MEP1A: variants seen among roughly 807,000 people sequenced by gnomAD.
The protein encoded by MEP1A is meprin A subunit alpha.
In MEP1A, 68 loss-of-function variants were observed where a neutral mutation model predicts 84.5. The observed-to-expected ratio is 0.80, with a 90% CI of 0.66 to 0.98. The LOEUF is 0.98. MEP1A is among the 50% of genes least tolerant of loss of function. MEP1A has a pLI of 0.00. For synonymous variants in MEP1A, 337 were observed against 336.8 expected, an observed-to-expected ratio of 1.00 and a Z score of -0.01; for missense variants, 887 against 919.9, an observed-to-expected ratio of 0.96 and a Z score of 0.46.
At chr6:46,821,140 T>C (rs545156376) in intron 7 of MEP1A, among the ~76,000 whole-genome samples, 80 of 152,300 alleles carry the variant, frequency 5.3e-4, no homozygotes, top group African/African-American at 1.8e-3. Context: ...GATTTTCACA[T>C]GAGATGAGGG....
chr6:46,826,530 T>C lies in MEP1A; in HGVS notation c.928+27T>C, dbSNP rs756416118. 5.5e-6 allele frequency: 8 copies of C among 1,460,554 alleles called. No homozygotes were observed. In the Admixed American group the frequency reaches 8.6e-5, roughly 16 times the overall value. The allele number at this position is 1,460,554 out of a possible 1,614,324, so 90.5% of individuals were successfully genotyped here. On this transcript the variant is annotated intron_variant, in intron 9 of 13. Transcript: ENST00000230588. ...TCAGTGAAAGTGGAAAGCAAACACA[T>C]TGATGTGGTTCACCAGGTTCAATTA...
intron 5 of MEP1A, among the ~76,000 whole-genome samples, chr6:46,804,256 T>C (rs1767261371): frequency 6.6e-6 from 1 of 151,692 alleles, no homozygotes; most frequent in Non-Finnish European, 1.5e-5. Context: ...TTATTTTGCC[T>C]AAATTTTGAG....
At position 46,829,335 on chromosome 6, in the gene MEP1A, G is replaced by A. The variant is rs370716919; in HGVS notation, c.929-21G>A. On this transcript the variant is annotated intron_variant, in intron 9 of 13. Transcript: ENST00000230588. ...GGGTGTGGGAAGCCAGACGTGTGAT[G>A]TTTGGCTGCTCTTTCCATAGGTGCC... The A allele has an allele frequency of 1.1e-5, 18 of 1,609,388 alleles. No individual in the cohort carries two copies. The African/African-American group carries it at 2.3e-4, about 20-fold the overall frequency.
At chr6:46,832,073 C>T (rs1257875109) in intron 10 of MEP1A, among the ~76,000 whole-genome samples, 1 of 152,120 alleles carries the variant, frequency 6.6e-6, no homozygotes, top group East Asian at 1.9e-4. Context: ...AAGGTCTTTT[C>T]CTTTTCAGGG....
chr6:46,797,905 TC>T (rs1399847415), intron 3 of MEP1A, among the ~76,000 whole-genome samples: 61 of 62,772 alleles, frequency 9.7e-4, no homozygotes, highest in East Asian at 4.0e-3. Context: ...CTTCCTTCCT[TC>T]CTTCCTTCCT....
Position 46,833,081 on chromosome 6 carries a change from T to C in MEP1A, c.1152T>C (p.Asp384=), listed in dbSNP as rs763186687. Residue 384 remains aspartate (D), a synonymous_variant, in exon 11 of 14, where the codon GAT becomes GAC. Coordinates refer to ENST00000230588, the MANE Select transcript of MEP1A (RefSeq NM_005588.3). The part of the protein sequence containing the change: ...LVKVQTFQGD[D]DHNWKIAHVV... ...CTTGTTCTCTGTCCTCAGGAGATGA[T>C]GACCACAATTGGAAAATTGCCCATG... The C allele has an allele frequency of 4.6e-6, 7 of 1,519,060 alleles. No homozygotes were observed. The highest frequency in any genetic ancestry group is 2.2e-5 in the Admixed American group (1 of 45,390). The allele number at this position is 1,519,060 out of a possible 1,614,324, so 94.1% of individuals were successfully genotyped here.
intron 6 of MEP1A, among the ~76,000 whole-genome samples, chr6:46,809,888 A>G (rs1767454597): frequency 6.6e-6 from 1 of 151,040 alleles, no homozygotes; most frequent in Admixed American, 6.6e-5. Context: ...GGCTGGTTCC[A>G]TATTTTTTCA....
chr6:46,835,170 G>C (rs1431653199), intron 12 of MEP1A, 79 bp from the exon 13 acceptor site: 33 of 1,301,360 alleles, frequency 2.5e-5, no homozygotes, highest in Admixed American at 1.1e-4. Context: ...GCAGGCTGGG[G>C]AACTTTCACC....
intron 7 of MEP1A, among the ~76,000 whole-genome samples, chr6:46,824,456 CATT>C (rs1462720465): frequency 6.9e-6 from 1 of 143,940 alleles, no homozygotes; most frequent in African/African-American, 2.5e-5. Context: ...AGTAATTTTA[CATT>C]ATATTGCTTA....
chr6:46,804,292 C>T lies in MEP1A; in HGVS notation c.262+5111C>T, dbSNP rs140159796. 1.5e-4 allele frequency among the ~76,000 whole-genome samples: 23 copies of T among 151,648 alleles called. No homozygotes were observed. In the East Asian group the frequency reaches 3.3e-3, roughly 22 times the overall value. On this transcript the variant is annotated intron_variant, in intron 5 of 13. Transcript: ENST00000230588. Reference sequence around the variant, plus strand: ...GATATTTTAACTGGAAATAGAATTTCGGTTTATAGTAGTGTTAAAAATTAT... The same window carrying T: ...GATATTTTAACTGGAAATAGAATTTTGGTTTATAGTAGTGTTAAAAATTAT...
chr6:46,835,110 C>G, intron 12 of MEP1A, 139 bp from the exon 13 acceptor site: 1 of 733,604 alleles, frequency 1.4e-6, no homozygotes, highest in South Asian at 2.0e-5. Flanking sequence ...TGGGAATCAG[C>G]TGGATTCAAA....
intron 5 of MEP1A, 139 bp downstream of exon 5, chr6:46,799,320 G>A (rs757582346): frequency 6.3e-6 from 4 of 633,774 alleles, no homozygotes; most frequent in Non-Finnish European, 8.5e-6. Context: ...ATCTAATGGG[G>A]AGAAAGACAT....
intron 3 of MEP1A, among the ~76,000 whole-genome samples, chr6:46,794,522 C>A (rs1354374217): frequency 6.6e-6 from 1 of 152,184 alleles, no homozygotes; most frequent in African/African-American, 2.4e-5. Context: ...ACTTCCAGAT[C>A]TTGTAGCCCA....
chr6:46,818,259 A>G (rs909184781), intron 6 of MEP1A, among the ~76,000 whole-genome samples: 1 of 152,208 alleles, frequency 6.6e-6, no homozygotes, highest in Non-Finnish European at 1.5e-5. Context: ...TAAAGTTATT[A>G]GAAAATAAAT....
intron 12 of MEP1A, 96 bp downstream of exon 12, chr6:46,834,847 G>A: frequency 1.1e-6 from 1 of 927,200 alleles, no homozygotes; most frequent in Non-Finnish European, 1.7e-6. Context: ...GGGTGGGGAT[G>A]AGGTTAAAAC....
In MEP1A at chr6:46,835,976, AT is replaced by A. The variant is rs564279164; in HGVS notation, c.2084+429del. ...TATAGTCTGTCATTTACACTGTACTATTATTACAGTTATATTTTCAATAATA... is the reference window on the plus strand; with the variant it reads ...TATAGTCTGTCATTTACACTGTACTATATTACAGTTATATTTTCAATAATA... On this transcript the variant is annotated intron_variant, in intron 13 of 13. Coordinates refer to ENST00000230588, the MANE Select transcript of MEP1A (RefSeq NM_005588.3). Among the ~76,000 whole-genome samples the A allele has an allele frequency of 8.8e-3, 1,334 of 152,290 alleles. 21 individuals are homozygous for A. The highest frequency in any genetic ancestry group is 0.03 in the African/African-American group (1,263 of 41,546).
At chr6:46,832,092 G>A (rs969423484) in intron 10 of MEP1A, among the ~76,000 whole-genome samples, 2 of 152,146 alleles carry the variant, frequency 1.3e-5, no homozygotes, top group Non-Finnish European at 2.9e-5. Flanking sequence ...GGAAAGTATA[G>A]TTCTATAAGT....
intron 9 of MEP1A, among the ~76,000 whole-genome samples, chr6:46,828,634 T>C (rs1426088560): frequency 2.0e-5 from 3 of 152,214 alleles, no homozygotes; most frequent in Admixed American, 6.5e-5. Flanking sequence ...GACAAGTGTG[T>C]GGTTTACCAA....
chr6:46,804,869 T>G (rs573975068), intron 5 of MEP1A, among the ~76,000 whole-genome samples: 5 of 151,364 alleles, frequency 3.3e-5, no homozygotes, highest in Non-Finnish European at 7.4e-5. Context: ...TGCTATTCTA[T>G]TTTTTCTTTT....
Sources: gnomAD v4.1 joint callset for allele counts (sites outside exome capture counted in the v4.1 genomes callset) on GRCh38, gnomAD v4.1.1 for gene constraint, MANE v1.5 for transcripts, NCBI Gene and HGNC (gene_info 2026-07-23, HGNC 2026-07-21) for gene names.